Variants in EPHA6 observed in about 807,000 individuals in gnomAD.
EPHA6 encodes the protein EPH receptor A6, also known as ephrin type-A receptor 6.
Under a neutral mutation model 112.0 loss-of-function variants are expected in EPHA6, and 50 were observed. That is an observed-to-expected ratio of 0.45 (90% CI 0.36 to 0.56). EPHA6 has a LOEUF of 0.56. Ranked by LOEUF, EPHA6 falls within the 20% of genes least tolerant of loss-of-function variation. The pLI, the probability that EPHA6 is intolerant of heterozygous loss-of-function variation, is 0.00. For missense variants in EPHA6, 1,280 were observed against 1,417.4 expected (o/e 0.90, Z 1.56); for synonymous variants, 529 against 490.7 (o/e 1.08, Z -1.03).
chr3:97,435,308 T>C (rs1191880580), intron 6 of EPHA6, among the ~76,000 whole-genome samples: 1 of 152,188 alleles, frequency 6.6e-6, no homozygotes, highest in Non-Finnish European at 1.5e-5. Context: ...TCAAAACAAA[T>C]TTATTAATTT....
chr3:97,605,153 T>C (rs1055499243), intron 12 of EPHA6, among the ~76,000 whole-genome samples: 3 of 151,396 alleles, frequency 2.0e-5, no homozygotes, highest in African/African-American at 7.3e-5. Context: ...ATAGGAGAGT[T>C]TACAATGGAG....
At chr3:96,870,637 A>C (rs1264705560) in intron 2 of EPHA6, among the ~76,000 whole-genome samples, 1 of 152,118 alleles carries the variant, frequency 6.6e-6, no homozygotes, top group East Asian at 1.9e-4. Flanking sequence ...CACAGTTAGG[A>C]AAATAAACAT....
chr3:96,853,099 T>C (rs566813441), intron 1 of EPHA6, among the ~76,000 whole-genome samples: 11 of 152,264 alleles, frequency 7.2e-5, no homozygotes, highest in Non-Finnish European at 1.5e-4. Context: ...GAGGCTTCCA[T>C]ACCTCCATAT....
intron 7 of EPHA6, among the ~76,000 whole-genome samples, chr3:97,474,686 C>T (rs950311550): frequency 5.9e-5 from 9 of 151,830 alleles, no homozygotes; most frequent in African/African-American, 9.7e-5. Flanking sequence ...AAACATGCAG[C>T]TCATGTGCTT....
At chr3:97,128,747 T>C (rs1201523703) in intron 3 of EPHA6, among the ~76,000 whole-genome samples, 3 of 152,070 alleles carry the variant, frequency 2.0e-5, no homozygotes, top group African/African-American at 4.8e-5. Context: ...CTCAAACTCC[T>C]GGCCTCAAGT....
At chr3:97,012,994 TA>T (rs1241948661) in intron 3 of EPHA6, among the ~76,000 whole-genome samples, 11 of 152,298 alleles carry the variant, frequency 7.2e-5, no homozygotes, top group African/African-American at 2.6e-4. Flanking sequence ...TTCTGAATAT[TA>T]GACCTTTTTC....
At chr3:97,686,507 C>A (rs557186891) in intron 14 of EPHA6, among the ~76,000 whole-genome samples, 4 of 152,272 alleles carry the variant, frequency 2.6e-5, no homozygotes, top group African/African-American at 9.6e-5. Flanking sequence ...CTCTCAAAAC[C>A]TTGTGAAATT....
chr3:96,891,066 C>T (rs965311486), intron 2 of EPHA6, among the ~76,000 whole-genome samples: 5 of 152,156 alleles, frequency 3.3e-5, no homozygotes, highest in Non-Finnish European at 5.9e-5. Flanking sequence ...GCCTGGGTGA[C>T]AGAGTGAAAG....
At chr3:97,579,380 G>T (rs2093416927) in intron 11 of EPHA6, among the ~76,000 whole-genome samples, 1 of 152,164 alleles carries the variant, frequency 6.6e-6, no homozygotes, top group Admixed American at 6.5e-5. Context: ...ATATGACTTT[G>T]AGTATAAATG....
Position 96,935,707 on chromosome 3 carries a change from A to G in EPHA6, c.451-51623A>G, listed in dbSNP as rs1402265581. On this transcript the variant is annotated intron_variant, in intron 2 of 17. Coordinates refer to ENST00000389672, the MANE Select transcript of EPHA6 (RefSeq NM_001080448.3). ...TATATACACACATTATGTATATTAT[A>G]TATACATTATATATACATTATATAT... 3.6e-5 allele frequency among the ~76,000 whole-genome samples: 5 copies of G among 138,220 alleles called. No individual in the cohort carries two copies. In the East Asian group the frequency reaches 6.5e-4, roughly 18 times the overall value. The allele number at this position is 138,220 out of a possible 152,430, so 90.7% of individuals were successfully genotyped here.
Position 97,149,876 on chromosome 3 carries a change from T to C in EPHA6, c.1115-76388T>C, listed in dbSNP as rs2076131806. 2.0e-5 allele frequency among the ~76,000 whole-genome samples: 3 copies of C among 149,710 alleles called. No individual in the cohort carries two copies. In the Admixed American group the frequency reaches 2.0e-4, roughly 10 times the overall value. ...TACATATAATACATTATATGCATTA[T>C]ATATAATATATATAAAAAACAGATT... On this transcript the variant is annotated intron_variant, in intron 3 of 17. Transcript: ENST00000389672.
At chr3:96,835,507 G>A (rs1389320452) in intron 1 of EPHA6, among the ~76,000 whole-genome samples, 1 of 152,030 alleles carries the variant, frequency 6.6e-6, no homozygotes, top group East Asian at 1.9e-4. Context: ...ATGGGGCAGG[G>A]TGAGAGGTGA....
At chr3:97,680,283 C>T (rs866910380) in intron 14 of EPHA6, among the ~76,000 whole-genome samples, 28 of 152,268 alleles carry the variant, frequency 1.8e-4, no homozygotes, top group African/African-American at 4.8e-4. Flanking sequence ...AATGTTCATT[C>T]TCTCATGGCT....
chr3:97,025,905 C>T (rs1022847232), intron 3 of EPHA6, among the ~76,000 whole-genome samples: 6 of 152,046 alleles, frequency 3.9e-5, no homozygotes, highest in African/African-American at 1.2e-4. Flanking sequence ...AAGTCTTTAT[C>T]CATCTTGAGT....
At chr3:96,960,923 G>T (rs182431112) in intron 2 of EPHA6, among the ~76,000 whole-genome samples, 11 of 152,174 alleles carry the variant, frequency 7.2e-5, no homozygotes, top group Admixed American at 7.2e-4. Context: ...CTTTCCACTA[G>T]TCTTGAGATC....
intron 3 of EPHA6, among the ~76,000 whole-genome samples, chr3:97,013,372 C>T (rs1020677367): frequency 1.4e-4 from 22 of 151,940 alleles, no homozygotes; most frequent in Non-Finnish European, 2.8e-4. Flanking sequence ...TTTCTGTGAA[C>T]CATAGACTAA....
chr3:97,246,669 T>C (rs990008468), intron 5 of EPHA6, among the ~76,000 whole-genome samples: 3 of 151,738 alleles, frequency 2.0e-5, no homozygotes, highest in African/African-American at 7.2e-5. Context: ...TATATTTATA[T>C]TTTATTTGAA....
chr3:97,656,862 G>C (rs2107621675), intron 14 of EPHA6, among the ~76,000 whole-genome samples: 1 of 151,934 alleles, frequency 6.6e-6, no homozygotes, highest in Non-Finnish European at 1.5e-5. Flanking sequence ...AACACACAAA[G>C]TTTCACTGTA....
At chr3:97,140,780 A>G (rs1235434984) in intron 3 of EPHA6, among the ~76,000 whole-genome samples, 1 of 152,178 alleles carries the variant, frequency 6.6e-6, no homozygotes, top group East Asian at 1.9e-4. Flanking sequence ...TGAGACTACA[A>G]AGCAACTAGG....
Sources: allele counts gnomAD v4.1 joint callset (sites outside exome capture counted in the v4.1 genomes callset), GRCh38; gene constraint gnomAD v4.1.1; transcripts MANE v1.5; gene names NCBI Gene and HGNC (gene_info 2026-07-23, HGNC 2026-07-21).